The following CYP4V2 variants were observed in gnomAD, a reference collection of about 807,000 sequenced individuals.
The protein encoded by CYP4V2 is cytochrome P450 4V2.
A neutral mutation model predicts 60.8 loss-of-function variants in CYP4V2; 55 were observed. The ratio of observed to expected loss-of-function variants is 0.90; its 90% CI spans 0.73 to 1.13. The LOEUF is 1.13. Ranked by LOEUF, CYP4V2 falls within the 50% of genes most tolerant of loss-of-function variation. The pLI is 0.00. For missense variants in CYP4V2, 675 were observed against 662.9 expected, an observed-to-expected ratio of 1.02 and a Z score of -0.20; for synonymous variants, 239 against 236.8, an observed-to-expected ratio of 1.01 and a Z score of -0.08.
intron 8 of CYP4V2, among the ~76,000 whole-genome samples, chr4:186,207,065 G>C (rs1288493796): frequency 6.6e-6 from 1 of 151,884 alleles, no homozygotes; most frequent in East Asian, 1.9e-4. Context: ...TGTGTTTTCT[G>C]CTCATTGTGC....
chr4:186,193,848 C>T (rs1736064551), intron 1 of CYP4V2, among the ~76,000 whole-genome samples: 1 of 152,200 alleles, frequency 6.6e-6, no homozygotes, highest in African/African-American at 2.4e-5. Context: ...AGCCATTTCA[C>T]CTTGAAGATT....
intron 1 of CYP4V2, chr4:186,192,385 G>T (rs761279719): frequency 2.0e-6 from 1 of 489,972 alleles, no homozygotes; most frequent in Non-Finnish European, 3.9e-6. Context: ...TGGGAGCACA[G>T]AGCGGTTTTA....
intron 2 of CYP4V2, 138 bp downstream of exon 2, chr4:186,194,750 A>T: frequency 1.3e-6 from 1 of 781,504 alleles, no homozygotes; most frequent in Non-Finnish European, 2.1e-6. Flanking sequence ...TAGACTATAT[A>T]GGTGCAATTT....
chr4:186,197,249 C>T (rs1736178242), intron 4 of CYP4V2, 119 bp downstream of exon 4: 6 of 1,257,604 alleles, frequency 4.8e-6, no homozygotes, highest in Admixed American at 3.6e-5. Context: ...GGCTCTTCAG[C>T]GCGGTTCTAC....
chr4:186,209,364 C>T, intron 10 of CYP4V2, 92 bp downstream of exon 10: 1 of 1,493,446 alleles, frequency 6.7e-7, no homozygotes, highest in Non-Finnish European at 9.3e-7. Context: ...GTGACATTGC[C>T]CATATGCAAC....
intron 8 of CYP4V2, among the ~76,000 whole-genome samples, chr4:186,208,039 C>G (rs1736579292): frequency 6.7e-6 from 1 of 149,312 alleles, no homozygotes; most frequent in Non-Finnish European, 1.5e-5. Flanking sequence ...ATTTAGCATC[C>G]CCTGCCTTGA....
intron 8 of CYP4V2, among the ~76,000 whole-genome samples, chr4:186,206,231 G>A (rs1736498571): frequency 6.6e-6 from 1 of 152,194 alleles, no homozygotes; most frequent in South Asian, 2.1e-4. Flanking sequence ...GTGTGTGCAT[G>A]TGTGTGCTTG....
intron 10 of CYP4V2, among the ~76,000 whole-genome samples, chr4:186,210,131 C>T (rs957922543): frequency 2.0e-5 from 3 of 152,226 alleles, no homozygotes; most frequent in South Asian, 2.1e-4. Flanking sequence ...CAGAGTGAAA[C>T]GGGTGAATCT....
intron 4 of CYP4V2, 35 bp from the exon 5 acceptor site, chr4:186,197,498 G>A (rs1167533220): frequency 6.2e-7 from 1 of 1,604,026 alleles, no homozygotes; most frequent in South Asian, 1.1e-5. Flanking sequence ...TAACGTGCGT[G>A]AATTGAATGG....
intron 8 of CYP4V2, among the ~76,000 whole-genome samples, chr4:186,207,544 ATAAAATATAT>A (rs1340883835): frequency 5.4e-5 from 8 of 147,156 alleles, no homozygotes; most frequent in African/African-American, 1.2e-4. Flanking sequence ...TATATAATAT[ATAAAATATAT>A]TAAAATATAT....
chr4:186,203,264 CTAA>C (rs1225025605), intron 7 of CYP4V2: 4 of 152,366 alleles, frequency 2.6e-5, no homozygotes, highest in Non-Finnish European at 4.4e-5. Context: ...CAGAACCAGA[CTAA>C]TGATTTTTCT....
chr4:186,206,852 T>A (rs1186333536), intron 8 of CYP4V2, among the ~76,000 whole-genome samples: 2 of 152,234 alleles, frequency 1.3e-5, no homozygotes, highest in Non-Finnish European at 2.9e-5. Flanking sequence ...TCATTTTATC[T>A]TTTTAACACT....
intron 7 of CYP4V2, 125 bp from the exon 8 acceptor site, chr4:186,205,075 A>G: frequency 1.1e-6 from 1 of 914,520 alleles, no homozygotes; most frequent in Non-Finnish European, 1.8e-6. Context: ...CACAGAATTC[A>G]TTTCTTATGT....
rs765498628 is a variant in CYP4V2, at chr4:186,210,566, A to G, written c.1503A>G (p.Leu501=). The change falls in exon 11 of 11, where the codon CTA becomes CTG. Residue 501 remains leucine, a synonymous_variant. Transcript: ENST00000378802. ...ESNQKREELG[L]EGQLILRPSN... is the part of the protein sequence containing the mutation. ...ACCAGAAAAGAGAAGAGCTTGGTCT[A>G]GAAGGACAGTTGATTCTTCGTCCAA... 1 of 1,614,244 alleles carries G rather than the reference A, an allele frequency of 6.2e-7. No individual in the cohort carries two copies. The highest frequency in any genetic ancestry group is 1.1e-5 in the South Asian group (1 of 91,092).
intron 6 of CYP4V2, among the ~76,000 whole-genome samples, chr4:186,200,897 G>T (rs1459087718): frequency 6.6e-6 from 1 of 151,980 alleles, no homozygotes; most frequent in East Asian, 1.9e-4. Flanking sequence ...TTCTATTCTT[G>T]TGTTGGAAAG....
intron 7 of CYP4V2, chr4:186,203,928 T>C (rs1222367609): frequency 1.3e-5 from 2 of 152,212 alleles, no homozygotes; most frequent in South Asian, 2.1e-4. Flanking sequence ...TTGTGCCACA[T>C]AGGAAAAATG....
chr4:186,201,578 G>T, intron 7 of CYP4V2: 1 of 365,234 alleles, frequency 2.7e-6, no homozygotes, highest in Non-Finnish European at 5.0e-6. Flanking sequence ...TTTTCCTCAA[G>T]AAAACCTAAG....
At chr4:186,193,027 C>G (rs1432806303) in intron 1 of CYP4V2, among the ~76,000 whole-genome samples, 4 of 152,070 alleles carry the variant, frequency 2.6e-5, no homozygotes, top group Non-Finnish European at 1.5e-5. Context: ...AGAGTGTTTA[C>G]CAAAATATTA....
At position 186,196,040 on chromosome 4, in the gene CYP4V2, C is replaced by T. The variant is rs372662173; in HGVS notation, c.365C>T (p.Ser122Phe). 28 of 1,614,134 alleles carry T rather than the reference C, an allele frequency of 1.7e-5. No homozygotes were observed. The highest frequency in any genetic ancestry group is 2.4e-5 in the Non-Finnish European group (28 of 1,179,976). ...LTSSKQIDKSSMYKFLEPWLG... is the reference protein window; with the variant it reads ...LTSSKQIDKSFMYKFLEPWLG... ...AGTTCAAAGCAAATTGACAAATCCT[C>T]TATGTACAAGTTTTTAGAACCATGG... The change falls in exon 3 of 11, where the codon TCT (serine) becomes TTT (phenylalanine). Residue 122 changes from serine to phenylalanine, a missense_variant. By Grantham distance (155) the Ser-to-Phe change is radical (BLOSUM62 -2). Coordinates refer to ENST00000378802, the MANE Select transcript of CYP4V2 (RefSeq NM_207352.4).
Sources: gnomAD v4.1 joint callset for allele counts (sites outside exome capture counted in the v4.1 genomes callset) on GRCh38, gnomAD v4.1.1 for gene constraint, MANE v1.5 for transcripts, NCBI Gene and HGNC (gene_info 2026-07-23, HGNC 2026-07-21) for gene names.